CYFIP2: variants seen among roughly 807,000 people sequenced by gnomAD.
CYFIP2 encodes cytoplasmic FMR1 interacting protein 2.
CYFIP2 carries 29 observed loss-of-function variants against 158.7 expected under a neutral mutation model. The observed-to-expected ratio is 0.18, with a 90% CI of 0.14 to 0.25. The LOEUF is 0.25. Among genes scored for constraint, CYFIP2 ranks in the 10% least tolerant of loss-of-function variants. The pLI is 1.00. For synonymous variants in CYFIP2, 585 were observed against 617.6 expected (o/e 0.95, Z 0.78); for missense variants, 852 against 1,639.5 (o/e 0.52, Z 8.29).
chr5:157,359,980 T>G (rs1763692364), intron 24 of CYFIP2, among the ~76,000 whole-genome samples: 1 of 152,258 alleles, frequency 6.6e-6, no homozygotes, highest in South Asian at 2.1e-4. Context: ...CATGTTTCAA[T>G]CTGCACAATT....
chr5:157,268,908 A>G (rs949873477), intron 1 of CYFIP2, among the ~76,000 whole-genome samples: 1 of 152,218 alleles, frequency 6.6e-6, no homozygotes, highest in African/African-American at 2.4e-5. Flanking sequence ...GAATGGAGGC[A>G]GGGGAGGAAC....
chr5:157,278,765 C>T (rs990031863), intron 1 of CYFIP2, among the ~76,000 whole-genome samples: 11 of 152,060 alleles, frequency 7.2e-5, no homozygotes, highest in Non-Finnish European at 1.2e-4. Context: ...GAATGTTAAA[C>T]GAAAGTATGG....
chr5:157,369,969 C>T (rs1764841428), intron 26 of CYFIP2, among the ~76,000 whole-genome samples: 1 of 150,954 alleles, frequency 6.6e-6, no homozygotes, highest in Non-Finnish European at 1.5e-5. Flanking sequence ...GCAACCTCCA[C>T]TTCCTGGGTT....
chr5:157,379,942 A>G (rs1024735804), intron 26 of CYFIP2: 2 of 152,204 alleles, frequency 1.3e-5, no homozygotes, highest in African/African-American at 4.8e-5. Flanking sequence ...CGGGAATCAG[A>G]TAATTTAAAT....
chr5:157,299,211 G>T lies in CYFIP2; in HGVS notation c.388-1504G>T, dbSNP rs144381912. Among the ~76,000 whole-genome samples, 192 of 140,286 alleles carry T rather than the reference G, an allele frequency of 1.4e-3. 2 individuals carry two copies. Among genetic ancestry groups the T allele is most frequent in the South Asian group, 0.013 (56 of 4,234 alleles). The allele number at this position is 140,286 out of a possible 152,430, so 92.0% of individuals were successfully genotyped here. A position where few individuals can be genotyped will look rare whatever the true frequency, so the allele number is the denominator to read the frequency against. On this transcript the variant is annotated intron_variant, in intron 5 of 30. Coordinates refer to ENST00000620254, the MANE Select transcript of CYFIP2 (RefSeq NM_001037333.3). ...TCTTTTAAAATATAATTCAGGCCAT[G>T]TTATCTGGCCTCAGAACCTCCCATG...
At chr5:157,365,579 A>C (rs906733800) in intron 26 of CYFIP2, 6 of 152,090 alleles carry the variant, frequency 3.9e-5, no homozygotes, top group African/African-American at 7.3e-5. Context: ...AAATGCATAA[A>C]TCTTAAGTGT....
chr5:157,316,600 T>G (rs998013774), intron 13 of CYFIP2, among the ~76,000 whole-genome samples: 1 of 152,188 alleles, frequency 6.6e-6, no homozygotes, highest in Non-Finnish European at 1.5e-5. Flanking sequence ...AGCTATTTCT[T>G]TGAGGACCAT....
chr5:157,290,746 T>G (rs900233274), intron 3 of CYFIP2, among the ~76,000 whole-genome samples: 2 of 152,218 alleles, frequency 1.3e-5, no homozygotes, highest in Admixed American at 1.3e-4. Context: ...AGTGTCTTCC[T>G]CGTGCCTTCC....
chr5:157,374,368 A>G (rs1050377920), intron 26 of CYFIP2, among the ~76,000 whole-genome samples: 19 of 152,268 alleles, frequency 1.2e-4, no homozygotes, highest in Admixed American at 7.2e-4. Flanking sequence ...GATTATAAAC[A>G]ATCTCTGATT....
chr5:157,355,613 G>A (rs1763358437), intron 23 of CYFIP2, among the ~76,000 whole-genome samples: 1 of 152,186 alleles, frequency 6.6e-6, no homozygotes, highest in Non-Finnish European at 1.5e-5. Context: ...TATGGACTCA[G>A]ACAAGCTAGA....
At chr5:157,285,231 G>T (rs1469236241) in intron 1 of CYFIP2, 108 bp from the exon 2 acceptor site, 2 of 707,264 alleles carry the variant, frequency 2.8e-6, no homozygotes. Flanking sequence ...TGGCCTCAAT[G>T]CATTTTAACT....
intron 26 of CYFIP2, among the ~76,000 whole-genome samples, chr5:157,368,519 G>A (rs1241117914): frequency 1.3e-5 from 2 of 152,162 alleles, no homozygotes; most frequent in Non-Finnish European, 2.9e-5. Flanking sequence ...TGGCCTTTCT[G>A]TATGAGTGTT....
Position 157,328,019 on chromosome 5 carries a change from T to C in CYFIP2, c.2126T>C (p.Ile709Thr). ...TTTGTCTACAAGCTGGCAGACCAGA[T>C]CTTTGCTTACTACAAAGCCATGGCT... ...DQFVYKLADQIFAYYKAMAGS... is the reference protein window; with the variant it reads ...DQFVYKLADQTFAYYKAMAGS... The change falls in exon 19 of 31, where the codon ATC becomes ACC. Residue 709 changes from isoleucine to threonine, a missense_variant. Physicochemically the swap from Ile to Thr is moderately conservative, Grantham distance 89. This residue lies in a region of CYFIP2 where 191 missense variants were observed against 311.2 expected (regional missense o/e 0.61). Coordinates refer to ENST00000620254, the MANE Select transcript of CYFIP2 (RefSeq NM_001037333.3). The C allele has an allele frequency of 6.2e-7, 1 of 1,613,970 alleles. No homozygotes were observed. Among genetic ancestry groups the C allele is most frequent in the Non-Finnish European group, 8.5e-7 (1 of 1,179,870 alleles).
At chr5:157,306,305 A>G (rs1759216705) in intron 8 of CYFIP2, among the ~76,000 whole-genome samples, 1 of 152,210 alleles carries the variant, frequency 6.6e-6, no homozygotes, top group Admixed American at 6.5e-5. Context: ...AGCCACTCAC[A>G]GTTCACATAT....
At chr5:157,381,229 T>C (rs895597647) in intron 26 of CYFIP2, among the ~76,000 whole-genome samples, 1 of 152,122 alleles carries the variant, frequency 6.6e-6, no homozygotes, top group Admixed American at 6.5e-5. Context: ...TAACCACTAC[T>C]CTGGATTTGG....
intron 26 of CYFIP2, among the ~76,000 whole-genome samples, chr5:157,372,945 T>C (rs1267239578): frequency 2.0e-5 from 3 of 152,106 alleles, no homozygotes; most frequent in Non-Finnish European, 4.4e-5. Flanking sequence ...CTCCCTATGC[T>C]CTGTTTAAGA....
At chr5:157,303,955 T>C (rs1398251980) in intron 7 of CYFIP2, among the ~76,000 whole-genome samples, 2 of 151,782 alleles carry the variant, frequency 1.3e-5, no homozygotes, top group African/African-American at 4.8e-5. Flanking sequence ...CTGAGCTGCT[T>C]TTTAGCTCAG....
At chr5:157,392,229 A>G (rs1013721396) in intron 30 of CYFIP2, among the ~76,000 whole-genome samples, 3 of 152,144 alleles carry the variant, frequency 2.0e-5, no homozygotes, top group Non-Finnish European at 4.4e-5. Flanking sequence ...TTGATGCATG[A>G]AAGTTTTCAA....
chr5:157,330,696 A>G, intron 19 of CYFIP2, 46 bp from the exon 20 acceptor site: 1 of 1,482,820 alleles, frequency 6.7e-7, no homozygotes. Flanking sequence ...GTTGAGAGTC[A>G]TTCACAATCT....
Sources: allele counts gnomAD v4.1 joint callset (sites outside exome capture counted in the v4.1 genomes callset), GRCh38; gene constraint gnomAD v4.1.1; regional missense constraint gnomAD v4.1.1; transcripts MANE v1.5; gene names NCBI Gene and HGNC (gene_info 2026-07-23, HGNC 2026-07-21).